The following LRRC71 variants were observed in gnomAD, a reference collection of about 807,000 sequenced individuals.
LRRC71 encodes the protein leucine rich repeat containing 71, also known as leucine-rich repeat-containing protein 71.
In LRRC71, 54 loss-of-function variants were observed where a neutral mutation model predicts 66.6. The ratio of observed to expected loss-of-function variants is 0.81; its 90% CI spans 0.65 to 1.02. The LOEUF (loss-of-function observed/expected upper bound fraction) is 1.02, where lower values mean the gene tolerates loss of function less well. Among genes scored for constraint, LRRC71 ranks in the 50% least tolerant of loss-of-function variants. The probability of loss-of-function intolerance (pLI) is 0.00; values close to 1 mark genes in which losing one functional copy is unlikely to be tolerated. For synonymous variants in LRRC71, 323 were observed against 303.9 expected (o/e 1.06, Z -0.65); for missense variants, 724 against 718.0 (o/e 1.01, Z -0.10).
the LRRC71 span, chr1:156,940,176 G>C: frequency 6.5e-7 from 1 of 1,540,004 alleles, no homozygotes; most frequent in Non-Finnish European, 8.8e-7. Flanking sequence ...CTGGGGACCA[G>C]GGGCTGACGG....
chr1:156,936,889 G>A (rs754128421), downstream of LRRC71: 3 of 1,614,170 alleles, frequency 1.9e-6, no homozygotes, highest in Non-Finnish European at 2.5e-6. Flanking sequence ...CGGGAGGTGA[G>A]AGGGAGCCAT....
chr1:156,927,197 C>T lies in LRRC71; in HGVS notation c.594-5C>T. 1 of 1,611,170 alleles carries T rather than the reference C, an allele frequency of 6.2e-7. No homozygotes were observed. The highest frequency in any genetic ancestry group is 1.7e-5 in the Admixed American group (1 of 59,690). On this transcript the variant is annotated splice_region_variant and splice_polypyrimidine_tract_variant and intron_variant, in intron 5 of 14. Transcript: ENST00000337428. ...TTCTGGTTCTCAGATCTCCCCTGCC[C>T]TCAGGAAGGTGTCTCTGGAGGGGAA...
At chr1:156,927,409 GC>G in intron 6 of LRRC71, 86 bp from the exon 7 acceptor site, 1 of 1,507,360 alleles carries the variant, frequency 6.6e-7, no homozygotes, top group Non-Finnish European at 8.9e-7. Flanking sequence ...AGACCAGACC[GC>G]CCCCTCAAGC....
At chr1:156,923,510 A>G (rs1652703592) in intron 1 of LRRC71, among the ~76,000 whole-genome samples, 1 of 152,214 alleles carries the variant, frequency 6.6e-6, no homozygotes, top group African/African-American at 2.4e-5. Flanking sequence ...TCTTGGGTGT[A>G]TGTGTAGGGA....
At position 156,932,269 on chromosome 1, in the gene LRRC71, G is replaced by C. The variant is rs2275197; in HGVS notation, c.1442-155G>C. The C allele has an allele frequency of 5.4e-4, 372 of 687,568 alleles. 2 individuals are homozygous for C. The East Asian group carries it at 9.8e-3, about 18-fold the overall frequency. 42.6% of individuals were successfully genotyped at this position (687,568 alleles called of 1,614,324 possible). On this transcript the variant is annotated intron_variant, in intron 13 of 14. Transcript: ENST00000337428. ...AGAGAGATGGGGAGTGTGTGAGTAA[G>C]AGCTGAGTGAAGGGCTAGGTCAGGG... is the stretch of plus-strand genomic sequence containing the variant.
Position 156,933,053 on chromosome 1 carries a change from TCTC to T in LRRC71, c.*85_*87del. The T allele has an allele frequency of 1.1e-6, 1 of 921,580 alleles. No individual in the cohort carries two copies. The highest frequency in any genetic ancestry group is 1.7e-6 in the Non-Finnish European group (1 of 603,912). 57.1% of individuals were successfully genotyped at this position (921,580 alleles called of 1,614,324 possible). On this transcript the variant is annotated 3_prime_UTR_variant, in exon 15 of 15. Coordinates refer to ENST00000337428, the MANE Select transcript of LRRC71 (RefSeq NM_144702.3). ...TGTGGGGTGACCTCCCTGGGGGAGA[TCTC>T]AGACCAATAACAAAGTCTGTTGCTA...
chr1:156,920,722 A>AC lies in LRRC71; in HGVS notation c.-77dup, dbSNP rs1652227765. On this transcript the variant is annotated 5_prime_UTR_variant, in exon 1 of 15. Coordinates refer to ENST00000337428, the MANE Select transcript of LRRC71 (RefSeq NM_144702.3). This position sits in a 1 kb window ranked among gnomAD's most constrained non-coding sequence, Gnocchi z 4.9. Reference sequence around the variant, plus strand: ...GGAACAGAGATCCCCTGATTCAGCCACCCCCAGACTGAGCCCCGTAGAGTG... The same window carrying AC: ...GGAACAGAGATCCCCTGATTCAGCCACCCCCCAGACTGAGCCCCGTAGAGTG... 72 of 1,342,946 alleles carry AC rather than the reference A, an allele frequency of 5.4e-5. No homozygotes were observed. The East Asian group carries it at 2.1e-3, about 40-fold the overall frequency. 83.2% of individuals were successfully genotyped at this position (1,342,946 alleles called of 1,614,324 possible). A position where few individuals can be genotyped will look rare whatever the true frequency, so the allele number is the denominator to read the frequency against.
At chr1:156,932,673 TTAA>T (rs774042340) in intron 14 of LRRC71, 128 bp downstream of exon 14, 1 of 1,598,284 alleles carries the variant, frequency 6.3e-7, no homozygotes, top group South Asian at 1.1e-5. Context: ...CTGCTTCTTT[TTAA>T]TAATCACAAC....
chr1:156,924,702 C>T lies in LRRC71; in HGVS notation c.499C>T (p.Gln167Ter). Residue 167 changes from glutamine to a stop codon, truncating the protein, a stop_gained, in exon 4 of 15, where the codon CAG becomes TAG. Coordinates refer to ENST00000337428, the MANE Select transcript of LRRC71 (RefSeq NM_144702.3). LOFTEE classifies it high-confidence loss of function. ...CTCTAAATGTCTGCCCCCGCTTACCCAGCTACAGGCCATCAAGTGAGAGGC... is the reference window on the plus strand; with the variant it reads ...CTCTAAATGTCTGCCCCCGCTTACCTAGCTACAGGCCATCAAGTGAGAGGC... The part of the protein sequence containing the change: ...VFSKCLPPLT[Q>*]LQAINLWKVG... 6.4e-7 allele frequency: 1 copy of T among 1,551,718 alleles called. No individual in the cohort carries two copies. Among genetic ancestry groups the T allele is most frequent in the Non-Finnish European group, 8.7e-7 (1 of 1,147,006 alleles).
At chr1:156,932,289 T>A in intron 13 of LRRC71, 135 bp from the exon 14 acceptor site, 1 of 729,962 alleles carries the variant, frequency 1.4e-6, no homozygotes, top group Non-Finnish European at 2.4e-6. Context: ...AAGGGCTAGG[T>A]CAGGGAAAGG....
At chr1:156,940,185 G>T in the LRRC71 span, 1 of 1,548,794 alleles carries the variant, frequency 6.5e-7, no homozygotes, top group Non-Finnish European at 8.7e-7. Context: ...AGGGGCTGAC[G>T]GCAGGGCCTT....
chr1:156,920,921 AC>A lies in LRRC71; in HGVS notation c.120del (p.Val41PhefsTer63), dbSNP rs1652257504. 6.5e-6 allele frequency: 10 copies of A among 1,540,724 alleles called. No homozygotes were observed. Among genetic ancestry groups the A allele is most frequent in the Non-Finnish European group, 8.8e-6 (10 of 1,142,226 alleles). On this transcript the variant is annotated frameshift_variant, in exon 1 of 15. Transcript: ENST00000337428. LOFTEE classifies it high-confidence loss of function. This position sits in a 1 kb window ranked among gnomAD's most constrained non-coding sequence, Gnocchi z 4.9. ...GCGCGCGGCCAAAGAGAAGCCAGCG[AC>A]CGTTCTGCCTCCCGTGGGGGAGGAG... Reference protein sequence around the residue: ...GERAAKEKPATVLPPVGEEEP... With the variant: ...GERAAKEKPAXVLPPVGEEEP...
At chr1:156,939,637 C>T in the LRRC71 span, 1 of 1,613,856 alleles carries the variant, frequency 6.2e-7, no homozygotes, top group East Asian at 2.2e-5. Context: ...CTCCCATATC[C>T]CAGAATTTCT....
At chr1:156,933,389 T>C (rs1046324417), downstream of LRRC71, among the ~76,000 whole-genome samples, 2 of 152,134 alleles carry the variant, frequency 1.3e-5, no homozygotes, top group Admixed American at 6.5e-5. Flanking sequence ...ACACATAAGC[T>C]TGGGAGGGAG....
In LRRC71 at chr1:156,921,051, C is replaced by A. The variant is rs954012456; in HGVS notation, c.160+88C>A. On this transcript the variant is annotated intron_variant, in intron 1 of 14. Coordinates refer to ENST00000337428, the MANE Select transcript of LRRC71 (RefSeq NM_144702.3). ...GCTACTCACTGCTCCAAGGTTATGG[C>A]TGAACTCATACATACCTACGTTGAG... The A allele has an allele frequency of 5.8e-6, 8 of 1,382,520 alleles. No homozygotes were observed. The African/African-American group carries it at 1.2e-4, about 20-fold the overall frequency. 85.6% of individuals were successfully genotyped at this position (1,382,520 alleles called of 1,614,324 possible). A position where few individuals can be genotyped will look rare whatever the true frequency, so the allele number is the denominator to read the frequency against.
At chr1:156,938,613 G>C in the LRRC71 span, 1 of 1,101,188 alleles carries the variant, frequency 9.1e-7, no homozygotes, top group Non-Finnish European at 1.3e-6. Context: ...GGTGGGGACA[G>C]GGGGAGGAGA....
At chr1:156,938,778 C>T in the LRRC71 span, 1 of 439,396 alleles carries the variant, frequency 2.3e-6, no homozygotes, top group Non-Finnish European at 4.0e-6. Context: ...ATGAAAAATG[C>T]TGCTGGAAGG....
At chr1:156,940,074 G>A in the LRRC71 span, 1 of 1,397,328 alleles carries the variant, frequency 7.2e-7, no homozygotes. Context: ...AATGACATCT[G>A]TCTCCGCATC....
intron 1 of LRRC71, chr1:156,921,599 C>T: frequency 1.0e-6 from 1 of 983,646 alleles, no homozygotes; most frequent in Non-Finnish European, 1.2e-6. Flanking sequence ...ATCTCTTTGT[C>T]AGTGCTGGTG....
Sources: gnomAD v4.1 joint callset for allele counts (sites outside exome capture counted in the v4.1 genomes callset) on GRCh38, gnomAD v4.1.1 for gene constraint, Gnocchi (gnomAD v3.1) non-coding constraint, MANE v1.5 for transcripts, NCBI Gene and HGNC (gene_info 2026-07-23, HGNC 2026-07-21) for gene names.